The following HMCN1 variants were observed in gnomAD, a reference collection of about 807,000 sequenced individuals.
The protein encoded by HMCN1 is hemicentin 1, also known as hemicentin-1.
A neutral mutation model predicts 625.9 loss-of-function variants in HMCN1; 321 were observed. The observed-to-expected ratio is 0.51, with a 90% confidence interval of 0.47 to 0.56. The LOEUF (loss-of-function observed/expected upper bound fraction) is 0.56, where lower values mean the gene tolerates loss of function less well. HMCN1 is among the 20% of genes least tolerant of loss of function. The pLI is 0.00. For synonymous variants in HMCN1, 2,425 were observed against 2,417.6 expected (o/e 1.00, Z -0.09); for missense variants, 6,588 against 6,887.3 (o/e 0.96, Z 1.54).
At chr1:185,791,752 A>C (rs547161759) in intron 1 of HMCN1, among the ~76,000 whole-genome samples, 1 of 152,260 alleles carries the variant, frequency 6.6e-6, no homozygotes, top group Admixed American at 6.5e-5. Context: ...AAACAGAAGT[A>C]CTCAGAAATA....
chr1:186,030,277 G>A (rs2102194155), intron 36 of HMCN1, among the ~76,000 whole-genome samples: 1 of 152,142 alleles, frequency 6.6e-6, no homozygotes, highest in African/African-American at 2.4e-5. Flanking sequence ...ACAATTGAAA[G>A]TGGGATATCG....
intron 89 of HMCN1, among the ~76,000 whole-genome samples, chr1:186,142,947 G>T (rs572914633): frequency 5.0e-4 from 76 of 152,258 alleles, no homozygotes; most frequent in Admixed American, 1.2e-3. Context: ...CAGAATTTTT[G>T]AAATCATACA....
At chr1:185,854,079 T>C (rs1662321125) in intron 2 of HMCN1, among the ~76,000 whole-genome samples, 1 of 152,136 alleles carries the variant, frequency 6.6e-6, no homozygotes, top group Admixed American at 6.6e-5. Flanking sequence ...AGGATGGAGA[T>C]CAAAACAGTT....
At chr1:185,871,751 A>G (rs1415586132) in intron 4 of HMCN1, among the ~76,000 whole-genome samples, 2 of 141,008 alleles carry the variant, frequency 1.4e-5, no homozygotes, top group African/African-American at 6.5e-5. Flanking sequence ...AATACTTAAA[A>G]AAAACTGTAA....
chr1:186,070,581 T>G (rs138271607), intron 51 of HMCN1, 31 bp from the exon 52 acceptor site: 1 of 1,584,448 alleles, frequency 6.3e-7, no homozygotes, highest in East Asian at 2.2e-5. Flanking sequence ...AAATAACCAA[T>G]GTCTAACTCT....
intron 1 of HMCN1, among the ~76,000 whole-genome samples, chr1:185,751,481 A>T (rs1301280948): frequency 6.6e-6 from 1 of 152,022 alleles, no homozygotes; most frequent in African/African-American, 2.4e-5. Context: ...GTGTCTAAGC[A>T]TAGATTTGAT....
chr1:185,813,520 G>GT (rs1326522059), intron 1 of HMCN1, among the ~76,000 whole-genome samples: 1 of 152,100 alleles, frequency 6.6e-6, no homozygotes, highest in African/African-American at 2.4e-5. Context: ...CATAAATTTA[G>GT]TAACACTAGC....
intron 97 of HMCN1, 137 bp from the exon 98 acceptor site, chr1:186,164,974 T>A: frequency 2.6e-6 from 2 of 770,900 alleles, no homozygotes; most frequent in Non-Finnish European, 4.6e-6. Context: ...TTTCCATGCC[T>A]GCTTATTTTC....
intron 1 of HMCN1, among the ~76,000 whole-genome samples, chr1:185,775,842 C>G (rs1434493923): frequency 1.3e-5 from 2 of 152,250 alleles, no homozygotes; most frequent in East Asian, 3.9e-4. Context: ...TTATTGGGAA[C>G]ATGTGTTTAT....
chr1:185,865,743 C>T lies in HMCN1; in HGVS notation c.501C>T (p.Val167=), dbSNP rs758656019. The T allele has an allele frequency of 1.2e-5, 19 of 1,596,980 alleles. No homozygotes were observed. In the East Asian group the frequency reaches 1.3e-4, roughly 11 times the overall value. The change falls in exon 4 of 107, where the codon GTC becomes GTT. Residue 167 remains valine, a splice_region_variant and synonymous_variant. Transcript: ENST00000271588. The stretch of plus-strand genomic sequence containing the variant: ...TCTTTTTTTTTTTTTAATCATAGGT[C>T]GTATTTGTTCTGACTGGAGATTGTG... ...LQLIQQKQSQ[V]VFVLTGDCDD...
At chr1:186,162,717 G>A (rs1454641167) in intron 97 of HMCN1, among the ~76,000 whole-genome samples, 1 of 152,216 alleles carries the variant, frequency 6.6e-6, no homozygotes, top group Non-Finnish European at 1.5e-5. Flanking sequence ...AGAGGTGTCT[G>A]CAGAACAGGG....
chr1:185,755,067 C>G (rs1655047855), intron 1 of HMCN1, among the ~76,000 whole-genome samples: 1 of 152,116 alleles, frequency 6.6e-6, no homozygotes, highest in African/African-American at 2.4e-5. Context: ...AGTGCTTAGA[C>G]TAGCTCCTGG....
intron 4 of HMCN1, among the ~76,000 whole-genome samples, chr1:185,896,992 C>G (rs141250361): frequency 6.6e-6 from 1 of 152,098 alleles, no homozygotes. Context: ...GGTGATGCCT[C>G]TTGAACCAAC....
chr1:186,136,602 A>C (rs1439710588), intron 86 of HMCN1, 66 bp from the exon 87 acceptor site: 1 of 1,450,990 alleles, frequency 6.9e-7, no homozygotes, highest in African/African-American at 1.4e-5. Context: ...GTCGCCATAT[A>C]ATACATGATA....
At chr1:185,806,511 C>T (rs1259558440) in intron 1 of HMCN1, among the ~76,000 whole-genome samples, 2 of 142,214 alleles carry the variant, frequency 1.4e-5, no homozygotes, top group African/African-American at 2.6e-5. Flanking sequence ...CATGCCACTT[C>T]GCTGTAGCCT....
chr1:185,898,260 G>A (rs917876810), intron 4 of HMCN1, among the ~76,000 whole-genome samples: 2 of 152,064 alleles, frequency 1.3e-5, no homozygotes, highest in Non-Finnish European at 2.9e-5. Flanking sequence ...CTCTTCTCCT[G>A]GTTAATCTGG....
At chr1:186,162,291 G>C (rs543320677) in intron 97 of HMCN1, among the ~76,000 whole-genome samples, 1 of 151,988 alleles carries the variant, frequency 6.6e-6, no homozygotes, top group African/African-American at 2.4e-5. Context: ...GCATTTCTCT[G>C]TATTGGTTAT....
chr1:185,992,619 A>G (rs2102034733), intron 22 of HMCN1, among the ~76,000 whole-genome samples: 1 of 151,734 alleles, frequency 6.6e-6, no homozygotes, highest in East Asian at 1.9e-4. Context: ...CTATTTATTC[A>G]TTTGCATGTC....
Position 185,984,178 on chromosome 1 carries a change from A to C in HMCN1, c.2800A>C (p.Asn934His). ...WIKNSAMLLQ[N>H]PYITVRSDGS... ...TTTTTTTTCCTTTAAGTTGCTCCAA[A>C]ATCCTTACATCACTGTGCGCAGTGA... The change falls in exon 19 of 107, where the codon AAT (asparagine) becomes CAT (histidine). Residue 934 changes from asparagine (N) to histidine (H), a missense_variant. This residue lies in a region of HMCN1 where 4,628 missense variants were observed against 4,853.1 expected (regional missense o/e 0.95). Coordinates refer to ENST00000271588, the MANE Select transcript of HMCN1 (RefSeq NM_031935.3). The C allele has an allele frequency of 6.2e-7, 1 of 1,613,430 alleles. No homozygotes were observed. The highest frequency in any genetic ancestry group is 8.5e-7 in the Non-Finnish European group (1 of 1,179,554).
Sources: allele counts gnomAD v4.1 joint callset (sites outside exome capture counted in the v4.1 genomes callset), GRCh38; gene constraint gnomAD v4.1.1; regional missense constraint gnomAD v4.1.1; transcripts MANE v1.5; gene names NCBI Gene and HGNC (gene_info 2026-07-23, HGNC 2026-07-21).